RNF17: variants seen among roughly 807,000 people sequenced by gnomAD.
RNF17 encodes ring finger protein 17, also known as spermatogenesis associated 23.
A neutral mutation model predicts 200.5 loss-of-function variants in RNF17; 31 were observed. That is an observed-to-expected ratio of 0.15 (90% CI 0.12 to 0.21). The LOEUF (loss-of-function observed/expected upper bound fraction) is 0.21, where lower values mean the gene tolerates loss of function less well. RNF17 is among the 10% of genes least tolerant of loss of function. The pLI, the probability that RNF17 is intolerant of heterozygous loss-of-function variation, is 1.00. For missense variants in RNF17, 1,628 were observed against 1,905.1 expected, an observed-to-expected ratio of 0.85 and a Z score of 2.71; for synonymous variants, 606 against 637.8, an observed-to-expected ratio of 0.95 and a Z score of 0.75.
At chr13:24,862,475 GTT>G (rs1215004649) in intron 27 of RNF17, among the ~76,000 whole-genome samples, 5 of 140,692 alleles carry the variant, frequency 3.6e-5, no homozygotes, top group African/African-American at 7.8e-5. Flanking sequence ...GTGTGTGTGT[GTT>G]TTCTCACCTC....
At chr13:24,764,168 C>G, upstream of RNF17, 1 of 1,549,186 alleles carries the variant, frequency 6.5e-7, no homozygotes, top group Non-Finnish European at 8.8e-7. Context: ...CGCCGGGACT[C>G]GCACTCGGCG....
intron 18 of RNF17, among the ~76,000 whole-genome samples, chr13:24,837,569 G>T (rs1258307951): frequency 6.6e-6 from 1 of 152,052 alleles, no homozygotes; most frequent in African/African-American, 2.4e-5. Context: ...GCAAATACAT[G>T]GAAATTAACC....
Position 24,861,370 on chromosome 13 carries a change from C to T in RNF17, c.3877C>T (p.Leu1293Phe), listed in dbSNP as rs773559971. 6.4e-7 allele frequency: 1 copy of T among 1,563,310 alleles called. No individual in the cohort carries two copies. The highest frequency in any genetic ancestry group is 1.2e-5 in the South Asian group (1 of 85,208). Residue 1293 changes from leucine (L) to phenylalanine (F), a missense_variant, in exon 27 of 36, where the codon CTC (leucine) becomes TTC (phenylalanine). Around this residue, in one of 5 missense-constraint regions of RNF17, gnomAD observed 609 missense variants for 681.9 expected, o/e 0.89. Transcript: ENST00000255324. The stretch of plus-strand genomic sequence containing the variant: ...ACCCCAGTTTTGTATTCCTTGTCAG[C>T]TCCATAATACCACACCTGTGAGTAC... ...DIPQFCIPCQLHNTTPVGNVW... is the reference protein window; with the variant it reads ...DIPQFCIPCQFHNTTPVGNVW...
chr13:24,847,019 G>A (rs1203076429), intron 22 of RNF17, among the ~76,000 whole-genome samples: 1 of 122,652 alleles, frequency 8.2e-6, no homozygotes, highest in African/African-American at 2.9e-5. Context: ...ATGAACCTGT[G>A]TGTGATTTTT....
the RNF17 span, chr13:24,750,750 T>C: frequency 6.6e-6 from 1 of 152,252 alleles, no homozygotes; most frequent in South Asian, 2.1e-4. Flanking sequence ...CATTGATTAA[T>C]TCTTTATTTT....
At chr13:24,758,489 T>C in the RNF17 span, among the ~76,000 whole-genome samples, 4 of 151,942 alleles carry the variant, frequency 2.6e-5, no homozygotes, top group African/African-American at 9.7e-5. Flanking sequence ...AAGAAGAAGG[T>C]TCTAATTGGA....
In RNF17 at chr13:24,799,529, C is replaced by G; in HGVS notation, c.1534C>G (p.Leu512Val). 6.2e-7 allele frequency: 1 copy of G among 1,611,312 alleles called. No homozygotes were observed. Among genetic ancestry groups the G allele is most frequent in the African/African-American group, 1.3e-5 (1 of 74,940 alleles). Residue 512 changes from leucine (L) to valine (V), a missense_variant, in exon 12 of 36, where the codon CTA (leucine) becomes GTA (valine). Around this residue, in one of 5 missense-constraint regions of RNF17, gnomAD observed 289 missense variants for 384.9 expected, o/e 0.75. Coordinates refer to ENST00000255324, the MANE Select transcript of RNF17 (RefSeq NM_031277.3). ...PTRLFVHEVA[L>V]IQIFMVDFGN... ...CAGATTATTTGTCCATGAAGTTGCA[C>G]TAATACAAATATTCATGGTAGATTT...
At chr13:24,869,367 A>G (rs2138395998) in intron 31 of RNF17, among the ~76,000 whole-genome samples, 1 of 152,324 alleles carries the variant, frequency 6.6e-6, no homozygotes, top group Non-Finnish European at 1.5e-5. Flanking sequence ...GTAGCATGTT[A>G]TGCTCTATAT....
intron 19 of RNF17, among the ~76,000 whole-genome samples, chr13:24,843,139 C>T (rs976840600): frequency 6.6e-6 from 1 of 152,114 alleles, no homozygotes; most frequent in African/African-American, 2.4e-5. Flanking sequence ...CTGCTCACTC[C>T]CATGCTGGAG....
intron 28 of RNF17, among the ~76,000 whole-genome samples, chr13:24,863,243 A>G (rs967066064): frequency 1.3e-5 from 2 of 152,246 alleles, no homozygotes; most frequent in African/African-American, 2.4e-5. Context: ...GTAACATGCC[A>G]AGAGCTAAGT....
At chr13:24,883,649 ACCCTT>A (rs927704065), downstream of RNF17, among the ~76,000 whole-genome samples, 2 of 152,076 alleles carry the variant, frequency 1.3e-5, no homozygotes, top group African/African-American at 4.8e-5. Flanking sequence ...ATTAAAAGGG[ACCCTT>A]CTTTCACTAA....
intron 13 of RNF17, 141 bp from the exon 14 acceptor site, chr13:24,802,240 G>C: frequency 1.6e-6 from 1 of 641,650 alleles, no homozygotes; most frequent in South Asian, 2.6e-5. Context: ...ACGCCCGGCT[G>C]CCCTGGCTGT....
At chr13:24,885,173 G>C in the RNF17 span, 44 of 762,718 alleles carry the variant, frequency 5.8e-5, 2 homozygotes, top group South Asian at 6.7e-4. Flanking sequence ...GCAACTAAAG[G>C]CATCTTGTCC....
At chr13:24,827,696 C>T (rs1310351564) in intron 16 of RNF17, among the ~76,000 whole-genome samples, 4 of 50,786 alleles carry the variant, frequency 7.9e-5, no homozygotes, top group African/African-American at 1.7e-4. Context: ...AGCGAGACTC[C>T]GTCTCAAAAA....
At chr13:24,772,426 A>ATTTTTTTTTTTTTTTTTTT in intron 2 of RNF17, among the ~76,000 whole-genome samples, 1 of 106,018 alleles carries the variant, frequency 9.4e-6, no homozygotes, top group Non-Finnish European at 1.9e-5. Context: ...TTGAGTCTCC[A>ATTTTTTTTTTTTTTTTTTT]TTTTTTTTTT....
At chr13:24,865,726 G>T (rs373082493) in intron 29 of RNF17, among the ~76,000 whole-genome samples, 1 of 152,096 alleles carries the variant, frequency 6.6e-6, no homozygotes, top group Non-Finnish European at 1.5e-5. Context: ...CTTTGTTCCT[G>T]TAATCCTCAC....
chr13:24,887,699 A>C, the RNF17 span, among the ~76,000 whole-genome samples: 2 of 152,154 alleles, frequency 1.3e-5, no homozygotes, highest in African/African-American at 4.8e-5. Context: ...GTGCACAATA[A>C]ATTTAATGTG....
chr13:24,878,018 C>T (rs1260959408), intron 34 of RNF17, among the ~76,000 whole-genome samples: 2 of 152,230 alleles, frequency 1.3e-5, no homozygotes, highest in Admixed American at 1.3e-4. Flanking sequence ...CCCCATCCCT[C>T]TGAAATGGCA....
chr13:24,781,143 A>T (rs778217298), intron 5 of RNF17, among the ~76,000 whole-genome samples: 7 of 152,130 alleles, frequency 4.6e-5, no homozygotes, highest in Non-Finnish European at 8.8e-5. Flanking sequence ...AAACTTCAAA[A>T]ATACTAAGAT....
Sources: gnomAD v4.1 joint callset for allele counts (sites outside exome capture counted in the v4.1 genomes callset) on GRCh38, gnomAD v4.1.1 for gene constraint, gnomAD v4.1.1 regional missense constraint, MANE v1.5 for transcripts, NCBI Gene and HGNC (gene_info 2026-07-23, HGNC 2026-07-21) for gene names.